The following XKR9 variants were observed in gnomAD, a reference collection of about 807,000 sequenced individuals.
XKR9 encodes XK related 9.
XKR9 carries 32 observed loss-of-function variants against 32.0 expected under a neutral mutation model. The observed-to-expected ratio is 1.00, with a 90% CI of 0.76 to 1.34. The LOEUF (loss-of-function observed/expected upper bound fraction) is 1.34, where lower values mean the gene tolerates loss of function less well. Among genes scored for constraint, XKR9 ranks in the 40% most tolerant of loss-of-function variants. XKR9 has a pLI of 0.00. For missense variants in XKR9, 546 were observed against 429.7 expected (o/e 1.27, Z -2.39); for synonymous variants, 168 against 143.4 (o/e 1.17, Z -1.22).
At chr8:70,821,459 C>T in the XKR9 span, among the ~76,000 whole-genome samples, 1 of 152,212 alleles carries the variant, frequency 6.6e-6, no homozygotes, top group Non-Finnish European at 1.5e-5. Flanking sequence ...TACAGCTCCA[C>T]TAGGCAGCTC....
chr8:71,002,717 T>G, the XKR9 span, among the ~76,000 whole-genome samples: 1 of 152,200 alleles, frequency 6.6e-6, no homozygotes, highest in Non-Finnish European at 1.5e-5. Flanking sequence ...AAGTGAATGA[T>G]GATCACCTAA....
chr8:70,831,885 ATCC>A, the XKR9 span, among the ~76,000 whole-genome samples: 1 of 152,178 alleles, frequency 6.6e-6, no homozygotes, highest in Non-Finnish European at 1.5e-5. Context: ...TTCCTGCTGT[ATCC>A]TCCTGCTTCC....
chr8:70,952,159 C>CACAA, the XKR9 span, among the ~76,000 whole-genome samples: 1 of 68,748 alleles, frequency 1.5e-5, no homozygotes, highest in East Asian at 2.2e-4. Flanking sequence ...CCTTTACACA[C>CACAA]ACACACACAC....
At chr8:70,727,824 T>C (rs1027628243) in intron 4 of XKR9, among the ~76,000 whole-genome samples, 4 of 151,764 alleles carry the variant, frequency 2.6e-5, no homozygotes, top group African/African-American at 9.7e-5. Context: ...GAATCAGTTC[T>C]TGGGTGGGGG....
chr8:70,971,304 G>A, the XKR9 span, among the ~76,000 whole-genome samples: 4 of 151,800 alleles, frequency 2.6e-5, no homozygotes, highest in Non-Finnish European at 4.4e-5. Context: ...CCCACTTTTT[G>A]ATGGGATTTT....
At chr8:70,954,983 C>T in the XKR9 span, among the ~76,000 whole-genome samples, 2 of 152,186 alleles carry the variant, frequency 1.3e-5, no homozygotes, top group South Asian at 2.1e-4. Flanking sequence ...TATTTCACTT[C>T]TGGGAACTCT....
intron 2 of XKR9, among the ~76,000 whole-genome samples, chr8:70,747,480 T>C (rs62532064): frequency 0.063 from 9,559 of 152,224 alleles, 421 homozygotes; most frequent in Non-Finnish European, 0.089. Context: ...AAGAGAGACC[T>C]GAGCTAGCAT....
chr8:71,011,779 G>A, the XKR9 span, among the ~76,000 whole-genome samples: 1 of 152,124 alleles, frequency 6.6e-6, no homozygotes, highest in Non-Finnish European at 1.5e-5. Context: ...CAGCATTATG[G>A]GGGGAAACTG....
At chr8:70,940,383 G>C in the XKR9 span, among the ~76,000 whole-genome samples, 1 of 152,014 alleles carries the variant, frequency 6.6e-6, no homozygotes, top group South Asian at 2.1e-4. Context: ...GGCAAGAACT[G>C]GGCCTCTGAA....
intron 3 of XKR9, among the ~76,000 whole-genome samples, chr8:70,702,428 G>A (rs1403677927): frequency 6.6e-6 from 1 of 152,118 alleles, no homozygotes; most frequent in African/African-American, 2.4e-5. Flanking sequence ...TTCTATAAAT[G>A]TCAGTTAGGT....
chr8:70,700,973 C>T (rs189418760), intron 3 of XKR9, among the ~76,000 whole-genome samples: 25 of 152,298 alleles, frequency 1.6e-4, no homozygotes, highest in East Asian at 3.9e-4. Context: ...CTCCGTGGGG[C>T]GTAGGACCCT....
intron 2 of XKR9, among the ~76,000 whole-genome samples, chr8:70,780,353 A>G (rs1807597077): frequency 6.6e-6 from 1 of 151,914 alleles, no homozygotes; most frequent in Non-Finnish European, 1.5e-5. Context: ...TTCTTTTCTA[A>G]TATAACCATT....
chr8:70,975,037 C>T, the XKR9 span, among the ~76,000 whole-genome samples: 1 of 152,272 alleles, frequency 6.6e-6, no homozygotes, highest in South Asian at 2.1e-4. Flanking sequence ...TAGATGTCTT[C>T]TTTTGAGAAG....
chr8:70,919,688 A>G, the XKR9 span, among the ~76,000 whole-genome samples: 1 of 152,032 alleles, frequency 6.6e-6, no homozygotes, highest in Non-Finnish European at 1.5e-5. Context: ...ATTTACATTT[A>G]TGATTCTTTG....
the XKR9 span, among the ~76,000 whole-genome samples, chr8:70,967,688 T>A: frequency 6.6e-6 from 1 of 152,168 alleles, no homozygotes; most frequent in South Asian, 2.1e-4. Context: ...TCTCTTTCAC[T>A]TATGAAACTT....
At chr8:70,886,553 A>T in the XKR9 span, among the ~76,000 whole-genome samples, 9 of 152,248 alleles carry the variant, frequency 5.9e-5, no homozygotes, top group East Asian at 1.7e-3. Flanking sequence ...CAGCATCTGT[A>T]GTTTCCAGAC....
the XKR9 span, among the ~76,000 whole-genome samples, chr8:70,942,067 G>A: frequency 6.6e-6 from 1 of 151,982 alleles, no homozygotes; most frequent in African/African-American, 2.4e-5. Context: ...TCTGTCACTG[G>A]AAGGGGTTTT....
chr8:70,699,160 C>T (rs1307093831), intron 3 of XKR9, among the ~76,000 whole-genome samples: 1 of 152,098 alleles, frequency 6.6e-6, no homozygotes, highest in African/African-American at 2.4e-5. Context: ...TGTCTTTTAA[C>T]TGGAGCATTT....
At chr8:70,800,480 C>A in the XKR9 span, among the ~76,000 whole-genome samples, 1 of 151,944 alleles carries the variant, frequency 6.6e-6, no homozygotes, top group Non-Finnish European at 1.5e-5. Flanking sequence ...GGCTGTAAGT[C>A]CATCTGCTAT....
Sources: gnomAD v4.1 joint callset for allele counts (sites outside exome capture counted in the v4.1 genomes callset) on GRCh38, gnomAD v4.1.1 for gene constraint, MANE v1.5 for transcripts, NCBI Gene and HGNC (gene_info 2026-07-23, HGNC 2026-07-21) for gene names.